Variants in EPHB2 observed in about 807,000 individuals in gnomAD.
EPHB2 encodes the protein ephrin type-B receptor 2.
EPHB2 carries 18 observed loss-of-function variants against 96.4 expected under a neutral mutation model. The observed-to-expected ratio is 0.19, with a 90% CI of 0.13 to 0.28. EPHB2 has a LOEUF of 0.28. EPHB2 is among the 10% of genes least tolerant of loss of function. The pLI is 1.00. For missense variants in EPHB2, 989 were observed against 1,355.4 expected (o/e 0.73, Z 4.25); for synonymous variants, 506 against 534.1 (o/e 0.95, Z 0.72).
rs149439678 is a variant in EPHB2, at chr1:22,735,798, G to A, written c.61+24755G>A. 1.2e-3 allele frequency among the ~76,000 whole-genome samples: 182 copies of A among 152,326 alleles called. 1 individual carries two copies. Among genetic ancestry groups the A allele is most frequent in the African/African-American group, 4.0e-3 (165 of 41,578 alleles). ...ATGATTCCTATAGGGCACTTGGGAC[G>A]CCCTTGGCAGTGAGTCGGCCCAGAG... On this transcript the variant is annotated intron_variant, in intron 1 of 15. Transcript: ENST00000374630.
intron 5 of EPHB2, among the ~76,000 whole-genome samples, chr1:22,867,331 T>C (rs929359464): frequency 1.6e-4 from 25 of 152,182 alleles, no homozygotes; most frequent in African/African-American, 6.0e-4. Flanking sequence ...TGCAGGGCCT[T>C]GGGGACAGGG....
intron 3 of EPHB2, among the ~76,000 whole-genome samples, chr1:22,856,232 C>T (rs1352030557): frequency 6.6e-6 from 1 of 152,220 alleles, no homozygotes; most frequent in African/African-American, 2.4e-5. Flanking sequence ...CCCCACCGTG[C>T]CAGGCCCAGA....
intron 1 of EPHB2, among the ~76,000 whole-genome samples, chr1:22,766,057 G>C (rs898666300): frequency 2.0e-5 from 3 of 152,192 alleles, no homozygotes; most frequent in African/African-American, 7.2e-5. Flanking sequence ...GCTGTAGCCA[G>C]TGGGAAATGG....
At chr1:22,880,935 C>T (rs1288544959) in intron 5 of EPHB2, among the ~76,000 whole-genome samples, 5 of 152,334 alleles carry the variant, frequency 3.3e-5, no homozygotes, top group Admixed American at 3.3e-4. Context: ...CAGCTCACAC[C>T]CCCTCTCTTG....
intron 13 of EPHB2, 90 bp downstream of exon 13, chr1:22,909,261 G>A (rs2124121471): frequency 6.3e-7 from 1 of 1,597,764 alleles, no homozygotes; most frequent in Non-Finnish European, 8.6e-7. Context: ...CAGTCTCCCA[G>A]AGTGTGGGAC....
At chr1:22,839,000 T>C (rs555347412) in intron 3 of EPHB2, among the ~76,000 whole-genome samples, 27 of 151,094 alleles carry the variant, frequency 1.8e-4, no homozygotes, top group African/African-American at 6.1e-4. Flanking sequence ...GGGTGTGGGG[T>C]TCAGAATCCT....
chr1:22,868,971 G>A (rs888872040), intron 5 of EPHB2, among the ~76,000 whole-genome samples: 1 of 152,150 alleles, frequency 6.6e-6, no homozygotes, highest in Non-Finnish European at 1.5e-5. Context: ...CAGACCCTGG[G>A]AATATGCATT....
intron 1 of EPHB2, among the ~76,000 whole-genome samples, chr1:22,746,808 G>A (rs1643982483): frequency 1.3e-5 from 2 of 152,108 alleles, no homozygotes; most frequent in South Asian, 4.1e-4. Context: ...GGGGAGCTGG[G>A]ATTCAGACCC....
At chr1:22,716,710 A>G (rs1158049566) in intron 1 of EPHB2, among the ~76,000 whole-genome samples, 1 of 152,216 alleles carries the variant, frequency 6.6e-6, no homozygotes, top group African/African-American at 2.4e-5. Flanking sequence ...CTGCCTGCCC[A>G]GAGCTCACCT....
chr1:22,722,574 C>T (rs1325624458), intron 1 of EPHB2, among the ~76,000 whole-genome samples: 1 of 152,204 alleles, frequency 6.6e-6, no homozygotes, highest in Non-Finnish European at 1.5e-5. Flanking sequence ...TGTAACTTCC[C>T]TGCATGATCC....
chr1:22,734,890 C>CTCCATGGTACTGATGATA (rs1344336427), intron 1 of EPHB2, among the ~76,000 whole-genome samples: 7 of 152,178 alleles, frequency 4.6e-5, no homozygotes, highest in Non-Finnish European at 8.8e-5. Flanking sequence ...TGTTGTGTTG[C>CTCCATGGTACTGATGATA]TCCATGGTAC....
chr1:22,864,034 CT>C (rs201727615), intron 4 of EPHB2, among the ~76,000 whole-genome samples: 10,328 of 124,942 alleles, frequency 0.083, 255 homozygotes, highest in East Asian at 0.33. Context: ...AGTTTCTGTT[CT>C]TTTTTTTTTT....
chr1:22,920,001 A>G lies in EPHB2; in HGVS notation c.*6431A>G, dbSNP rs1570482684. ...GCACAAAAAAAAAAGAGCAAGAAAG[A>G]GAGAAAGAGATGGGGAGGGAGACAG... On this transcript the variant is annotated 3_prime_UTR_variant, in exon 16 of 16. Transcript: ENST00000374630. 1 of 151,756 alleles carries G rather than the reference A, an allele frequency of 6.6e-6. No individual in the cohort carries two copies. Among genetic ancestry groups the G allele is most frequent in the Non-Finnish European group, 1.5e-5 (1 of 67,930 alleles). 9.4% of individuals were successfully genotyped at this position (151,756 alleles called of 1,614,324 possible). A position where few individuals can be genotyped will look rare whatever the true frequency, so the allele number is the denominator to read the frequency against.
chr1:22,913,433 T>C lies in EPHB2; in HGVS notation c.2853-29T>C, dbSNP rs764946491. On this transcript the variant is annotated intron_variant, in intron 15 of 15. Coordinates refer to ENST00000374630, the MANE Select transcript of EPHB2 (RefSeq NM_017449.5). The surrounding 1 kb of genome is among the most constrained non-coding windows in gnomAD (Gnocchi z 4.1). ...CACAGGACCCCTTCACCCGCATATTTCCCTAACACACGTGCTTCTCTCCCA... is the reference window on the plus strand; with the variant it reads ...CACAGGACCCCTTCACCCGCATATTCCCCTAACACACGTGCTTCTCTCCCA... The C allele has an allele frequency of 3.7e-6, 6 of 1,613,264 alleles. No homozygotes were observed. The highest frequency in any genetic ancestry group is 5.1e-6 in the Non-Finnish European group (6 of 1,179,726).
rs184563859 is a variant in EPHB2, at chr1:22,864,171, G to A, written c.968-706G>A. 8.6e-5 allele frequency among the ~76,000 whole-genome samples: 13 copies of A among 151,468 alleles called. No homozygotes were observed. The East Asian group carries it at 9.8e-4, about 11-fold the overall frequency. Reference sequence around the variant, plus strand: ...AGTGGTTCTCCCACCTCAGCCTCCCGAGTAACTGGGATTACAGGCATCCGC... The same window carrying A: ...AGTGGTTCTCCCACCTCAGCCTCCCAAGTAACTGGGATTACAGGCATCCGC... On this transcript the variant is annotated intron_variant, in intron 4 of 15. Coordinates refer to ENST00000374630, the MANE Select transcript of EPHB2 (RefSeq NM_017449.5).
At chr1:22,765,785 G>A (rs1205465765) in intron 1 of EPHB2, among the ~76,000 whole-genome samples, 1 of 152,104 alleles carries the variant, frequency 6.6e-6, no homozygotes, top group African/African-American at 2.4e-5. Context: ...CAATCCCTAA[G>A]GCCTCAGCTC....
chr1:22,761,768 T>C (rs2817888), intron 1 of EPHB2, among the ~76,000 whole-genome samples: 150,755 of 152,300 alleles, frequency 0.99, 74,629 homozygotes, highest in Non-Finnish European at 1. Flanking sequence ...CCCCGGCTCA[T>C]CCAGACCCTC....
chr1:22,880,289 TC>T (rs1638993082), intron 5 of EPHB2, among the ~76,000 whole-genome samples: 1 of 152,072 alleles, frequency 6.6e-6, no homozygotes, highest in South Asian at 2.1e-4. Context: ...ATGTTCAGGT[TC>T]CCCTGAACTC....
intron 13 of EPHB2, among the ~76,000 whole-genome samples, chr1:22,909,844 TGA>T (rs1302420488): frequency 6.6e-6 from 1 of 152,130 alleles, no homozygotes; most frequent in African/African-American, 2.4e-5. Context: ...CAGGACAGGC[TGA>T]GAGGGGTGTT....
Sources: allele counts gnomAD v4.1 joint callset (sites outside exome capture counted in the v4.1 genomes callset), GRCh38; gene constraint gnomAD v4.1.1; non-coding constraint Gnocchi (gnomAD v3.1); transcripts MANE v1.5; gene names NCBI Gene and HGNC (gene_info 2026-07-23, HGNC 2026-07-21).